The following SNCAIP variants were observed in gnomAD, a reference collection of about 807,000 sequenced individuals.
SNCAIP encodes the protein synuclein alpha interacting protein, also known as synphilin-1.
SNCAIP carries 43 observed loss-of-function variants against 86.7 expected under a neutral mutation model. The observed-to-expected ratio is 0.50, with a 90% CI of 0.39 to 0.64. The LOEUF is 0.64. Among genes scored for constraint, SNCAIP ranks in the 30% least tolerant of loss-of-function variants. SNCAIP has a pLI of 0.00. For synonymous variants in SNCAIP, 417 were observed against 427.2 expected, an observed-to-expected ratio of 0.98 and a Z score of 0.29; for missense variants, 981 against 1,103.1, an observed-to-expected ratio of 0.89 and a Z score of 1.57.
intron 5 of SNCAIP, among the ~76,000 whole-genome samples, chr5:122,429,578 A>G (rs140114850): frequency 3.9e-5 from 6 of 152,202 alleles, no homozygotes; most frequent in African/African-American, 9.6e-5. Flanking sequence ...TAAATGATCA[A>G]TATGGTTGCT....
At chr5:122,437,832 A>G (rs1435179261) in intron 6 of SNCAIP, among the ~76,000 whole-genome samples, 1 of 152,202 alleles carries the variant, frequency 6.6e-6, no homozygotes. Context: ...TTGTTCTCCC[A>G]GATTATCAAG....
intron 3 of SNCAIP, among the ~76,000 whole-genome samples, chr5:122,411,216 A>C (rs1421884433): frequency 1.3e-5 from 2 of 152,198 alleles, no homozygotes; most frequent in Non-Finnish European, 2.9e-5. Context: ...TCCTTTAGGC[A>C]GGGAGGGAAA....
intron 1 of SNCAIP, among the ~76,000 whole-genome samples, chr5:122,374,681 A>G (rs1764933068): frequency 6.6e-6 from 1 of 152,162 alleles, no homozygotes; most frequent in Non-Finnish European, 1.5e-5. Flanking sequence ...TGTCATCACA[A>G]CATTTGTTAT....
chr5:122,453,054 G>T, intron 10 of SNCAIP: 4 of 1,102,496 alleles, frequency 3.6e-6, no homozygotes, highest in South Asian at 1.4e-5. Context: ...TGAATTGCAT[G>T]AGCTTTTAAA....
intron 3 of SNCAIP, among the ~76,000 whole-genome samples, chr5:122,420,584 TA>T (rs1776181329): frequency 6.6e-6 from 1 of 150,380 alleles, no homozygotes; most frequent in South Asian, 2.1e-4. Flanking sequence ...AGTATATATA[TA>T]TTTTTTTTTC....
At chr5:122,416,229 A>C (rs1775285111) in intron 3 of SNCAIP, among the ~76,000 whole-genome samples, 1 of 152,210 alleles carries the variant, frequency 6.6e-6, no homozygotes, top group African/African-American at 2.4e-5. Flanking sequence ...GGAATAATAA[A>C]ACATGAATCG....
intron 1 of SNCAIP, among the ~76,000 whole-genome samples, chr5:122,361,538 T>A (rs1469808160): frequency 6.6e-6 from 1 of 152,214 alleles, no homozygotes; most frequent in Non-Finnish European, 1.5e-5. Context: ...TAAGCAGGGA[T>A]GTTTGAAGGA....
intron 1 of SNCAIP, among the ~76,000 whole-genome samples, chr5:122,379,301 A>G (rs2152810983): frequency 4.6e-5 from 1 of 21,584 alleles, no homozygotes; most frequent in South Asian, 1.4e-3. Context: ...CTTTGAAGCA[A>G]TTGTGAATGG....
chr5:122,449,153 A>G (rs1412029017), intron 8 of SNCAIP, among the ~76,000 whole-genome samples: 1 of 152,228 alleles, frequency 6.6e-6, no homozygotes, highest in Non-Finnish European at 1.5e-5. Flanking sequence ...ATCCTAGCCT[A>G]GCCTACCTTA....
At chr5:122,357,524 G>A (rs964829755) in intron 1 of SNCAIP, among the ~76,000 whole-genome samples, 9 of 151,892 alleles carry the variant, frequency 5.9e-5, no homozygotes, top group South Asian at 2.1e-4. Flanking sequence ...ATGAGCCACC[G>A]TGCTCAGCCA....
At chr5:122,417,395 C>A (rs1227767421) in intron 3 of SNCAIP, among the ~76,000 whole-genome samples, 1 of 152,074 alleles carries the variant, frequency 6.6e-6, no homozygotes, top group Non-Finnish European at 1.5e-5. Context: ...AGGGGTGGAT[C>A]GGGTTTTAGC....
At chr5:122,420,934 C>A (rs534060020) in intron 3 of SNCAIP, among the ~76,000 whole-genome samples, 1 of 152,136 alleles carries the variant, frequency 6.6e-6, no homozygotes, top group Non-Finnish European at 1.5e-5. Context: ...GGATTTTGTC[C>A]CCTGTGAAAT....
intron 3 of SNCAIP, among the ~76,000 whole-genome samples, chr5:122,414,475 C>T (rs1774869514): frequency 6.6e-6 from 1 of 152,126 alleles, no homozygotes; most frequent in Non-Finnish European, 1.5e-5. Context: ...AAGTGATCCG[C>T]CCACCTTAGC....
intron 2 of SNCAIP, among the ~76,000 whole-genome samples, chr5:122,399,113 G>A (rs1771235044): frequency 2.6e-5 from 4 of 152,020 alleles, no homozygotes; most frequent in South Asian, 4.2e-4. Flanking sequence ...TTCCCAGCTC[G>A]ACCCCTCTCT....
At chr5:122,440,595 A>G in intron 6 of SNCAIP, 34 bp from the exon 7 acceptor site, 1 of 1,604,870 alleles carries the variant, frequency 6.2e-7, no homozygotes, top group Non-Finnish European at 8.5e-7. Context: ...TCTGCAAGAT[A>G]TTACATGAAT....
At chr5:122,327,616 G>C (rs537222083) in intron 1 of SNCAIP, among the ~76,000 whole-genome samples, 1 of 152,126 alleles carries the variant, frequency 6.6e-6, no homozygotes, top group East Asian at 1.9e-4. Flanking sequence ...TGTGAAGAAG[G>C]TACTTGCTTC....
At chr5:122,393,028 A>G (rs917298267) in intron 2 of SNCAIP, among the ~76,000 whole-genome samples, 3 of 152,314 alleles carry the variant, frequency 2.0e-5, no homozygotes, top group South Asian at 2.1e-4. Context: ...ATAATAAAAT[A>G]CATTAAGCAA....
At chr5:122,398,841 C>A (rs1771175448) in intron 2 of SNCAIP, among the ~76,000 whole-genome samples, 1 of 152,098 alleles carries the variant, frequency 6.6e-6, no homozygotes, top group African/African-American at 2.4e-5. Context: ...GGTCAGAGAT[C>A]CCCGTAGCCC....
At chr5:122,414,013 A>G (rs1456967791) in intron 3 of SNCAIP, among the ~76,000 whole-genome samples, 1 of 152,130 alleles carries the variant, frequency 6.6e-6, no homozygotes, top group Non-Finnish European at 1.5e-5. Flanking sequence ...GGACTCAAGC[A>G]GTCCTCCTGC....
Sources: allele counts gnomAD v4.1 joint callset (sites outside exome capture counted in the v4.1 genomes callset), GRCh38; gene constraint gnomAD v4.1.1; transcripts MANE v1.5; gene names NCBI Gene and HGNC (gene_info 2026-07-23, HGNC 2026-07-21).